The following EPB41 variants were observed in gnomAD, a reference collection of about 807,000 sequenced individuals.
The protein encoded by EPB41 is erythrocyte membrane protein band 4.1.
EPB41 carries 65 observed loss-of-function variants against 108.0 expected under a neutral mutation model. The ratio of observed to expected loss-of-function variants is 0.60; its 90% CI spans 0.49 to 0.74. The LOEUF is 0.74. Ranked by LOEUF, EPB41 falls within the 30% of genes least tolerant of loss-of-function variation. EPB41 has a pLI of 0.00. For synonymous variants in EPB41, 336 were observed against 358.9 expected, an observed-to-expected ratio of 0.94 and a Z score of 0.72; for missense variants, 875 against 1,037.0, an observed-to-expected ratio of 0.84 and a Z score of 2.15.
intron 1 of EPB41, chr1:28,893,334 GT>G (rs150242264): frequency 0.023 from 3,436 of 152,384 alleles, 44 homozygotes; most frequent in Non-Finnish European, 0.036. Context: ...GCCTCCCAAA[GT>G]GCTGGGATTA....
intron 8 of EPB41, 29 bp downstream of exon 8, chr1:29,030,516 T>A (rs1438260934): frequency 6.7e-7 from 1 of 1,486,084 alleles, no homozygotes. Context: ...TTTATTAATA[T>A]GCATGTGGAA....
chr1:28,965,742 C>G (rs2095340775), intron 1 of EPB41, among the ~76,000 whole-genome samples: 1 of 152,156 alleles, frequency 6.6e-6, no homozygotes, highest in Non-Finnish European at 1.5e-5. Flanking sequence ...ATGCACTTCA[C>G]TCTGATCTCC....
chr1:28,945,058 C>T (rs182414375), intron 1 of EPB41, among the ~76,000 whole-genome samples: 2 of 149,572 alleles, frequency 1.3e-5, no homozygotes, highest in East Asian at 3.9e-4. Context: ...GGTACTCCAG[C>T]CTGGGTGACA....
At chr1:28,967,013 C>CTTTTTTTTTT (rs71586876) in intron 1 of EPB41, among the ~76,000 whole-genome samples, 2 of 85,368 alleles carry the variant, frequency 2.3e-5, no homozygotes, top group African/African-American at 4.7e-5. Context: ...ATATGAGAAC[C>CTTTTTTTTTT]TTTTTTTTTT....
At chr1:29,059,725 C>T (rs983275687) in intron 14 of EPB41, among the ~76,000 whole-genome samples, 2 of 152,150 alleles carry the variant, frequency 1.3e-5, no homozygotes, top group African/African-American at 2.4e-5. Context: ...CTGCTGTGAG[C>T]CACAGCTGCA....
chr1:29,013,029 G>T (rs574421361), intron 5 of EPB41, among the ~76,000 whole-genome samples: 1 of 151,934 alleles, frequency 6.6e-6, no homozygotes, highest in South Asian at 2.1e-4. Context: ...TTTATGATGA[G>T]TAAAAAAGAA....
intron 16 of EPB41, among the ~76,000 whole-genome samples, chr1:29,088,793 G>C (rs975870519): frequency 3.3e-5 from 5 of 152,148 alleles, no homozygotes; most frequent in Admixed American, 3.3e-4. Context: ...CGGGTTTGCT[G>C]TGTGTTATTT....
At chr1:28,921,964 A>ATATATATATATATATATATAT (rs2093124242) in intron 1 of EPB41, among the ~76,000 whole-genome samples, 1 of 107,238 alleles carries the variant, frequency 9.3e-6, no homozygotes, top group African/African-American at 3.4e-5. Flanking sequence ...ATATATATAC[A>ATATATATATATATATATATAT]CTTTTTTTTT....
chr1:29,058,778 T>G, intron 13 of EPB41, 33 bp from the exon 14 acceptor site: 4 of 1,536,562 alleles, frequency 2.6e-6, no homozygotes, highest in Non-Finnish European at 3.5e-6. Flanking sequence ...CATTTTATCA[T>G]TTTTCTTTCT....
intron 11 of EPB41, among the ~76,000 whole-genome samples, chr1:29,044,329 G>A (rs577761165): frequency 6.6e-6 from 1 of 152,306 alleles, no homozygotes; most frequent in African/African-American, 2.4e-5. Context: ...GAGTTTCATG[G>A]TTATATAGAT....
chr1:29,065,238 G>T, intron 16 of EPB41, 80 bp downstream of exon 16: 2 of 1,447,714 alleles, frequency 1.4e-6, no homozygotes, highest in South Asian at 3.2e-5. Context: ...GTATCTGAGA[G>T]AAAGCTTAGA....
In EPB41 at chr1:29,030,418, G is replaced by C. The variant is rs749840637; in HGVS notation, c.1143G>C (p.Gln381His). 6.2e-7 allele frequency: 1 copy of C among 1,614,026 alleles called. No individual in the cohort carries two copies. The highest frequency in any genetic ancestry group is 8.5e-7 in the Non-Finnish European group (1 of 1,179,958). The change falls in exon 8 of 21, where the codon CAG becomes CAC. Residue 381 changes from glutamine to histidine, a missense_variant. Physicochemically the swap from Gln to His is conservative, Grantham distance 24. Coordinates refer to ENST00000343067, the MANE Select transcript of EPB41 (RefSeq NM_001376013.1). ...ATCAAAGGTCCATGACTCCAGCTCA[G>C]GCTGACTTGGAGTTTCTTGAGAATG... ...HKSYRSMTPA[Q>H]ADLEFLENAK...
At position 29,000,070 on chromosome 1, in the gene EPB41, T is replaced by C. The variant is rs527751392; in HGVS notation, c.786+2751T>C. Among the ~76,000 whole-genome samples the C allele has an allele frequency of 4.0e-5, 6 of 151,558 alleles. No individual in the cohort carries two copies. In the East Asian group the frequency reaches 5.8e-4, roughly 15 times the overall value. On this transcript the variant is annotated intron_variant, in intron 4 of 20. Transcript: ENST00000343067. ...CTCCCAAAGTGCTAAATTACAGGCATGACCCACTATGCCTTGCCACTATTG... is the reference window on the plus strand; with the variant it reads ...CTCCCAAAGTGCTAAATTACAGGCACGACCCACTATGCCTTGCCACTATTG...
intron 1 of EPB41, among the ~76,000 whole-genome samples, chr1:28,944,735 A>G (rs1342127197): frequency 6.6e-6 from 1 of 151,566 alleles, no homozygotes; most frequent in Non-Finnish European, 1.5e-5. Flanking sequence ...GGGTTTCACC[A>G]TGTTGGCTGG....
intron 1 of EPB41, among the ~76,000 whole-genome samples, chr1:28,977,264 C>A (rs2095628387): frequency 6.6e-6 from 1 of 152,036 alleles, no homozygotes; most frequent in Non-Finnish European, 1.5e-5. Context: ...ATTAATGCTG[C>A]CAAACTGCAA....
Position 29,110,442 on chromosome 1 carries a change from C to A in EPB41, c.2415+1005C>A, listed in dbSNP as rs78029157. On this transcript the variant is annotated intron_variant, in intron 18 of 20. Transcript: ENST00000343067. ...ATATTTTCCAAGCCCAAAATCAGAA[C>A]TCTGGGTCTGAGGAAGAATTTTTAC... Among the ~76,000 whole-genome samples the A allele has an allele frequency of 9.7e-3, 1,483 of 152,322 alleles. 14 individuals are homozygous for A. The highest frequency in any genetic ancestry group is 0.078 in the Middle Eastern group (23 of 294).
At chr1:29,005,757 C>G (rs552675073) in intron 4 of EPB41, among the ~76,000 whole-genome samples, 1 of 152,112 alleles carries the variant, frequency 6.6e-6, no homozygotes, top group African/African-American at 2.4e-5. Context: ...GAGAGTATTC[C>G]AAGTAGAAGA....
intron 16 of EPB41, chr1:29,070,941 A>G (rs1259857523): frequency 4.8e-6 from 1 of 206,290 alleles, no homozygotes; most frequent in Non-Finnish European, 9.6e-6. Context: ...TACTATTGTT[A>G]TGTCTTCCTA....
chr1:28,903,318 T>C (rs866581684), intron 1 of EPB41, among the ~76,000 whole-genome samples: 58 of 145,616 alleles, frequency 4.0e-4, no homozygotes, highest in African/African-American at 1.5e-3. Context: ...TTTCTTTTTC[T>C]TTTCTTTCTT....
Sources: allele counts gnomAD v4.1 joint callset (sites outside exome capture counted in the v4.1 genomes callset), GRCh38; gene constraint gnomAD v4.1.1; transcripts MANE v1.5; gene names NCBI Gene and HGNC (gene_info 2026-07-23, HGNC 2026-07-21).